The following FOCAD variants were observed in gnomAD, a reference collection of about 807,000 sequenced individuals.
FOCAD encodes focadhesin, also known as KIAA1797.
Under a neutral mutation model 225.6 loss-of-function variants are expected in FOCAD, and 198 were observed. That is an observed-to-expected ratio of 0.88 (90% confidence interval 0.78 to 0.99). The LOEUF (loss-of-function observed/expected upper bound fraction) is 0.99, where lower values mean the gene tolerates loss of function less well. Among genes scored for constraint, FOCAD ranks in the 50% least tolerant of loss-of-function variants. The pLI is 0.00. For missense variants in FOCAD, 2,713 were observed against 2,123.6 expected, an observed-to-expected ratio of 1.28 and a Z score of -5.46; for synonymous variants, 897 against 755.0, an observed-to-expected ratio of 1.19 and a Z score of -3.08.
chr9:20,789,615 C>T lies in FOCAD; in HGVS notation c.1455+7C>T, dbSNP rs1395920705. The stretch of plus-strand genomic sequence containing the variant: ...CCAAGCAGATTCCTCCCAGGTAAAG[C>T]AAGAGAATAATGGAACAATAATGAG... On this transcript the variant is annotated splice_region_variant and intron_variant, in intron 11 of 43. Transcript: ENST00000338382. The T allele has an allele frequency of 6.2e-7, 1 of 1,613,236 alleles. No individual in the cohort carries two copies. Among genetic ancestry groups the T allele is most frequent in the African/African-American group, 1.3e-5 (1 of 74,924 alleles).
In FOCAD at chr9:20,885,136, C is replaced by T; in HGVS notation, c.2531C>T (p.Ser844Phe). The change falls in exon 21 of 44, where the codon TCC becomes TTC. Residue 844 changes from serine (S) to phenylalanine (F), a missense_variant. Ser to Phe is a radical substitution (Grantham distance 155, BLOSUM62 -2). Transcript: ENST00000338382. ...GGTATGTTATTTTGCTATGATGTTT[C>T]CATGTATCAGAGTAAAGATGGAAAA... ...AGGMLFCYDV[S>F]MYQSKDGKPL... 6.6e-7 allele frequency: 1 copy of T among 1,509,724 alleles called. No individual in the cohort carries two copies. Among genetic ancestry groups the T allele is most frequent in the Non-Finnish European group, 8.9e-7 (1 of 1,127,160 alleles). The allele number at this position is 1,509,724 out of a possible 1,614,324, so 93.5% of individuals were successfully genotyped here.
At chr9:20,663,165 T>C (rs540057865) in intron 2 of FOCAD, among the ~76,000 whole-genome samples, 1 of 151,990 alleles carries the variant, frequency 6.6e-6, no homozygotes, top group Non-Finnish European at 1.5e-5. Flanking sequence ...GGTGGGAGGA[T>C]TGCTTAAAGT....
intron 15 of FOCAD, 66 bp downstream of exon 15, chr9:20,823,181 A>G: frequency 6.7e-7 from 1 of 1,491,564 alleles, no homozygotes; most frequent in Non-Finnish European, 9.0e-7. Context: ...AGTGGGTACA[A>G]GAATGTAAGA....
rs762851499 is a variant in FOCAD, at chr9:20,955,800, A to G, written c.4132+2735A>G. On this transcript the variant is annotated intron_variant, in intron 35 of 43. Transcript: ENST00000338382. ...TTGTCTGATTTCTGATTTTCTCAAG[A>G]TCATAGGCTGTTCATATCTCATCAA... Among the ~76,000 whole-genome samples, 31 of 152,050 alleles carry G rather than the reference A, an allele frequency of 2.0e-4. 1 individual carries two copies. The highest frequency in any genetic ancestry group is 9.8e-4 in the Admixed American group (15 of 15,272).
chr9:20,926,948 AAT>A (rs1456538374), intron 26 of FOCAD, among the ~76,000 whole-genome samples: 13 of 150,836 alleles, frequency 8.6e-5, no homozygotes, highest in African/African-American at 2.4e-4. Flanking sequence ...AATTATAAGA[AAT>A]ATGTGTGTAA....
chr9:20,720,138 G>A (rs1825659505), intron 3 of FOCAD, among the ~76,000 whole-genome samples: 1 of 152,190 alleles, frequency 6.6e-6, no homozygotes, highest in African/African-American at 2.4e-5. Context: ...TCTGCCTGCA[G>A]CCAGCCTTGT....
chr9:20,911,249 T>C (rs1833413132), intron 22 of FOCAD, among the ~76,000 whole-genome samples: 1 of 152,102 alleles, frequency 6.6e-6, no homozygotes. Context: ...AGGATTGATA[T>C]GATTGAAGCA....
At chr9:20,703,962 G>C (rs1042890752) in intron 1 of FOCAD, among the ~76,000 whole-genome samples, 2 of 152,200 alleles carry the variant, frequency 1.3e-5, no homozygotes, top group African/African-American at 4.8e-5. Context: ...CCCAAAGGGG[G>C]CTCCCCAAAG....
intron 2 of FOCAD, among the ~76,000 whole-genome samples, chr9:20,671,127 A>G (rs1587188103): frequency 2.6e-5 from 4 of 152,318 alleles, no homozygotes; most frequent in Admixed American, 2.0e-4. Flanking sequence ...ATAATATAAT[A>G]TAAATGACGG....
intron 15 of FOCAD, among the ~76,000 whole-genome samples, chr9:20,843,424 G>C (rs1007139530): frequency 6.6e-6 from 1 of 152,028 alleles, no homozygotes. Context: ...AATATGTCAT[G>C]CCACTCTCTC....
In FOCAD at chr9:20,797,549, A is replaced by T. The variant is rs371927325; in HGVS notation, c.1455+7941A>T. Among the ~76,000 whole-genome samples the T allele has an allele frequency of 1.2e-4, 19 of 152,126 alleles. 1 individual carries two copies. The South Asian group carries it at 4.0e-3, about 32-fold the overall frequency. Reference sequence around the variant, plus strand: ...GTCCTTCACATCCCTTGTAAGTTGGATTCCTAGGTATTTTATTCTCTTTGA... The same window carrying T: ...GTCCTTCACATCCCTTGTAAGTTGGTTTCCTAGGTATTTTATTCTCTTTGA... On this transcript the variant is annotated intron_variant, in intron 11 of 43. Coordinates refer to ENST00000338382, the MANE Select transcript of FOCAD (RefSeq NM_001375567.1).
rs1442739598 is a variant in FOCAD at position 20,953,107 on chromosome 9, T to C, written c.4132+42T>C. On this transcript the variant is annotated intron_variant, in intron 35 of 43. Coordinates refer to ENST00000338382, the MANE Select transcript of FOCAD (RefSeq NM_001375567.1). ...CTTGAATTTTATCATTCTATCTCCA[T>C]GTTGTTATAAGTAAATTTGTGTACC... The C allele has an allele frequency of 3.3e-6, 5 of 1,502,114 alleles. No individual in the cohort carries two copies. In the East Asian group the frequency reaches 6.8e-5, roughly 20 times the overall value. The allele number at this position is 1,502,114 out of a possible 1,614,324, so 93.0% of individuals were successfully genotyped here.
chr9:20,980,868 C>T lies in FOCAD; in HGVS notation c.4378-558C>T, dbSNP rs116868850. 1.4e-4 allele frequency among the ~76,000 whole-genome samples: 21 copies of T among 152,268 alleles called. No individual in the cohort carries two copies. In the East Asian group the frequency reaches 4.0e-3, roughly 29 times the overall value. ...CTGTTACTAACATGCCCTTTCTTGG[C>T]TCTCATGAACTCTAAGGTGCCTGGT... On this transcript the variant is annotated intron_variant, in intron 37 of 43. Coordinates refer to ENST00000338382, the MANE Select transcript of FOCAD (RefSeq NM_001375567.1).
intron 35 of FOCAD, among the ~76,000 whole-genome samples, chr9:20,963,102 C>T (rs1237657203): frequency 6.6e-6 from 1 of 152,144 alleles, no homozygotes; most frequent in Non-Finnish European, 1.5e-5. Flanking sequence ...CAGTTAGTGT[C>T]TGAATCAGTT....
chr9:20,928,950 A>T (rs1835205101), intron 26 of FOCAD: 1 of 153,452 alleles, frequency 6.5e-6, no homozygotes, highest in Admixed American at 6.5e-5. Context: ...CTGGACATTT[A>T]TAATGTGGCT....
At chr9:20,701,073 T>G (rs1349346100) in intron 1 of FOCAD, among the ~76,000 whole-genome samples, 3 of 152,178 alleles carry the variant, frequency 2.0e-5, no homozygotes, top group Non-Finnish European at 2.9e-5. Context: ...GAGGAGTGAT[T>G]ATAACCCTCT....
In FOCAD at chr9:20,823,008, G is replaced by T; in HGVS notation, c.1813G>T (p.Asp605Tyr). The T allele has an allele frequency of 6.2e-7, 1 of 1,605,424 alleles. No individual in the cohort carries two copies. Among genetic ancestry groups the T allele is most frequent in the Non-Finnish European group, 8.5e-7 (1 of 1,177,142 alleles). Residue 605 changes from aspartate to tyrosine, a missense_variant, in exon 15 of 44, where the codon GAT (aspartate) becomes TAT (tyrosine). Transcript: ENST00000338382. The part of the protein sequence containing the change: ...CKQRPYQHGA[D>Y]MLAAISQVLN... Reference sequence around the variant, plus strand: ...TTGTAGGCCATATCAACATGGTGCAGATATGTTGGCAGCTATTTCTCAAGT... The same window carrying T: ...TTGTAGGCCATATCAACATGGTGCATATATGTTGGCAGCTATTTCTCAAGT...
chr9:20,786,376 T>C (rs1466361373), intron 10 of FOCAD, among the ~76,000 whole-genome samples: 2 of 152,224 alleles, frequency 1.3e-5, no homozygotes, highest in Non-Finnish European at 2.9e-5. Flanking sequence ...CTGAGCATGT[T>C]GTGTGTTATC....
intron 2 of FOCAD, among the ~76,000 whole-genome samples, chr9:20,665,092 CT>C (rs1409749536): frequency 6.6e-6 from 1 of 151,942 alleles, no homozygotes; most frequent in Non-Finnish European, 1.5e-5. Context: ...GGGTATTCTG[CT>C]AGATTAAGTA....
Sources: allele counts gnomAD v4.1 joint callset (sites outside exome capture counted in the v4.1 genomes callset), GRCh38; gene constraint gnomAD v4.1.1; transcripts MANE v1.5; gene names NCBI Gene and HGNC (gene_info 2026-07-23, HGNC 2026-07-21).